The following GALNT1 variants were observed in gnomAD, a reference collection of about 807,000 sequenced individuals.
GALNT1 encodes the protein GalNAc transferase 1.
GALNT1 carries 17 observed loss-of-function variants against 65.7 expected under a neutral mutation model. The ratio of observed to expected loss-of-function variants is 0.26; its 90% CI spans 0.18 to 0.39. GALNT1 has a LOEUF of 0.39. Ranked by LOEUF, GALNT1 falls within the 10% of genes least tolerant of loss-of-function variation. The pLI, the probability that GALNT1 is intolerant of heterozygous loss-of-function variation, is 1.00. For synonymous variants in GALNT1, 210 were observed against 219.7 expected (o/e 0.96, Z 0.39); for missense variants, 460 against 672.8 (o/e 0.68, Z 3.50).
intron 9 of GALNT1, among the ~76,000 whole-genome samples, chr18:35,697,543 G>T (rs1393191501): frequency 1.3e-5 from 2 of 152,156 alleles, no homozygotes; most frequent in African/African-American, 4.8e-5. Context: ...AAACATATCT[G>T]ATCATAAAAC....
chr18:35,706,540 T>C (rs1272906530), intron 11 of GALNT1, among the ~76,000 whole-genome samples: 2 of 152,142 alleles, frequency 1.3e-5, no homozygotes, highest in African/African-American at 4.8e-5. Flanking sequence ...GAGCCAGTTA[T>C]GAGTGTGAAG....
intron 3 of GALNT1, among the ~76,000 whole-genome samples, chr18:35,675,441 C>T (rs1423004410): frequency 6.6e-6 from 1 of 152,160 alleles, no homozygotes; most frequent in African/African-American, 2.4e-5. Context: ...AATATTGCTT[C>T]TCTCTCTGAT....
At chr18:35,674,570 G>A (rs1225006779) in intron 3 of GALNT1, among the ~76,000 whole-genome samples, 2 of 152,162 alleles carry the variant, frequency 1.3e-5, no homozygotes, top group Admixed American at 1.3e-4. Flanking sequence ...CATGCATACT[G>A]CAAAGGAGAA....
At chr18:35,603,843 G>C (rs1352388668) in intron 1 of GALNT1, among the ~76,000 whole-genome samples, 1 of 152,130 alleles carries the variant, frequency 6.6e-6, no homozygotes, top group Non-Finnish European at 1.5e-5. Context: ...TGGAATTTCT[G>C]ATCTCTTAAA....
At chr18:35,598,058 T>G (rs1486154752) in intron 1 of GALNT1, among the ~76,000 whole-genome samples, 1 of 120,726 alleles carries the variant, frequency 8.3e-6, no homozygotes, top group African/African-American at 3.2e-5. Flanking sequence ...CTTCTCTTCT[T>G]TTTCAACAGA....
At chr18:35,661,423 C>T (rs2047475170) in intron 2 of GALNT1, among the ~76,000 whole-genome samples, 1 of 151,642 alleles carries the variant, frequency 6.6e-6, no homozygotes, top group South Asian at 2.1e-4. Flanking sequence ...TCGCTTGAAT[C>T]TGGGAGACAA....
chr18:35,612,675 C>T (rs960235927), intron 1 of GALNT1, among the ~76,000 whole-genome samples: 12 of 152,136 alleles, frequency 7.9e-5, no homozygotes, highest in Admixed American at 5.9e-4. Flanking sequence ...ACCAGCCTGG[C>T]CAACGTGATG....
chr18:35,606,528 A>G (rs112653397), intron 1 of GALNT1, among the ~76,000 whole-genome samples: 10 of 152,156 alleles, frequency 6.6e-5, no homozygotes, highest in African/African-American at 2.2e-4. Flanking sequence ...TAGACTAGTT[A>G]ATTAGAAGTC....
At chr18:35,651,909 A>G (rs2047316329) in intron 1 of GALNT1, among the ~76,000 whole-genome samples, 1 of 152,228 alleles carries the variant, frequency 6.6e-6, no homozygotes, top group Non-Finnish European at 1.5e-5. Flanking sequence ...ATTATCTGCC[A>G]TATTTAAATA....
At chr18:35,704,496 C>T (rs2048221246) in intron 11 of GALNT1, among the ~76,000 whole-genome samples, 2 of 151,820 alleles carry the variant, frequency 1.3e-5, no homozygotes, top group South Asian at 2.1e-4. Flanking sequence ...TTTGTGGAGA[C>T]AGAGTTTCAC....
chr18:35,669,631 T>A (rs1465744565), intron 3 of GALNT1, among the ~76,000 whole-genome samples: 1 of 152,244 alleles, frequency 6.6e-6, no homozygotes, highest in Non-Finnish European at 1.5e-5. Flanking sequence ...AATTTGTCAC[T>A]GTCATGATAA....
chr18:35,690,939 C>G, intron 7 of GALNT1, 73 bp from the exon 8 acceptor site: 1 of 1,338,060 alleles, frequency 7.5e-7, no homozygotes, highest in Non-Finnish European at 1.0e-6. Context: ...AAGAAAAATA[C>G]TATGGGAAAA....
chr18:35,625,057 G>A (rs1188413588), intron 1 of GALNT1, among the ~76,000 whole-genome samples: 5 of 152,214 alleles, frequency 3.3e-5, no homozygotes, highest in African/African-American at 1.2e-4. Flanking sequence ...ATTAGGAAAA[G>A]ATAAAGAATA....
intron 1 of GALNT1, among the ~76,000 whole-genome samples, chr18:35,652,678 G>C (rs1598795950): frequency 6.6e-6 from 1 of 152,054 alleles, no homozygotes; most frequent in South Asian, 2.1e-4. Context: ...CCTTAAATCT[G>C]GGAATCATTT....
intron 2 of GALNT1, among the ~76,000 whole-genome samples, chr18:35,660,855 T>G (rs567827413): frequency 6.6e-6 from 1 of 152,208 alleles, no homozygotes; most frequent in Non-Finnish European, 1.5e-5. Context: ...TCTAAATCAT[T>G]CAGTAGACAT....
rs1178520008 is a variant in GALNT1 at position 35,676,597 on chromosome 18, G to A, written c.315-994G>A. Reference sequence around the variant, plus strand: ...CCTTTTCCCACTCCCACTGACAGGCGATTACAGTTGAGACTGGGGAGTGGA... The same window carrying A: ...CCTTTTCCCACTCCCACTGACAGGCAATTACAGTTGAGACTGGGGAGTGGA... On this transcript the variant is annotated intron_variant, in intron 3 of 11. Coordinates refer to ENST00000269195, the MANE Select transcript of GALNT1 (RefSeq NM_020474.4). Among the ~76,000 whole-genome samples the A allele has an allele frequency of 6.6e-5, 10 of 152,248 alleles. No homozygotes were observed. The South Asian group carries it at 1.0e-3, about 16-fold the overall frequency.
chr18:35,684,109 A>T (rs1568031969), intron 5 of GALNT1, among the ~76,000 whole-genome samples: 2 of 152,206 alleles, frequency 1.3e-5, no homozygotes. Flanking sequence ...ATAGTTTTTC[A>T]TGTTACACAT....
chr18:35,640,529 T>C (rs1411856912), intron 1 of GALNT1, among the ~76,000 whole-genome samples: 1 of 152,246 alleles, frequency 6.6e-6, no homozygotes, highest in Non-Finnish European at 1.5e-5. Flanking sequence ...CAGTTATTTA[T>C]AGATTTATTT....
At chr18:35,630,126 C>A (rs1288722334) in intron 1 of GALNT1, among the ~76,000 whole-genome samples, 1 of 151,998 alleles carries the variant, frequency 6.6e-6, no homozygotes, top group Non-Finnish European at 1.5e-5. Context: ...ACCCCACTGT[C>A]AACATTAGAC....
Sources: allele counts gnomAD v4.1 joint callset (sites outside exome capture counted in the v4.1 genomes callset), GRCh38; gene constraint gnomAD v4.1.1; transcripts MANE v1.5; gene names NCBI Gene and HGNC (gene_info 2026-07-23, HGNC 2026-07-21).